PLEKHA5: variants seen among roughly 807,000 people sequenced by gnomAD.
PLEKHA5 encodes the protein pleckstrin homology domain-containing family A member 5.
A neutral mutation model predicts 181.9 loss-of-function variants in PLEKHA5; 55 were observed. The ratio of observed to expected loss-of-function variants is 0.30; its 90% CI spans 0.24 to 0.38. The LOEUF is 0.38. Among genes scored for constraint, PLEKHA5 ranks in the 10% least tolerant of loss-of-function variants. The pLI, the probability that PLEKHA5 is intolerant of heterozygous loss-of-function variation, is 1.00. For missense variants in PLEKHA5, 1,432 were observed against 1,549.5 expected, an observed-to-expected ratio of 0.92 and a Z score of 1.27; for synonymous variants, 535 against 529.4, an observed-to-expected ratio of 1.01 and a Z score of -0.15.
intron 7 of PLEKHA5, among the ~76,000 whole-genome samples, chr12:19,264,388 A>G (rs2069596253): frequency 6.6e-6 from 1 of 152,132 alleles, no homozygotes; most frequent in Non-Finnish European, 1.5e-5. Context: ...AGAAGGATGT[A>G]TTATTTGATT....
At chr12:19,165,833 T>C (rs1348792740) in intron 3 of PLEKHA5, among the ~76,000 whole-genome samples, 2 of 152,194 alleles carry the variant, frequency 1.3e-5, no homozygotes, top group Non-Finnish European at 2.9e-5. Context: ...ATGAGCAGTT[T>C]TGAAGAAGGT....
At position 19,367,412 on chromosome 12, in the gene PLEKHA5, C is replaced by T. The variant is rs373196781; in HGVS notation, c.3754+1303C>T. Reference sequence around the variant, plus strand: ...CTGGGATTATAGGTGCCCACCACCACGCCCAGCTAATTTTTGTATTTTTGT... The same window carrying T: ...CTGGGATTATAGGTGCCCACCACCATGCCCAGCTAATTTTTGTATTTTTGT... On this transcript the variant is annotated intron_variant, in intron 30 of 31. Transcript: ENST00000429027. Among the ~76,000 whole-genome samples, 101 of 150,868 alleles carry T rather than the reference C, an allele frequency of 6.7e-4. 1 individual carries two copies. Among genetic ancestry groups the T allele is most frequent in the Non-Finnish European group, 1.1e-3 (76 of 67,844 alleles).
chr12:19,273,800 G>C (rs762293420), intron 10 of PLEKHA5, among the ~76,000 whole-genome samples: 3 of 152,110 alleles, frequency 2.0e-5, no homozygotes, highest in Admixed American at 2.0e-4. Flanking sequence ...AATTATAATG[G>C]TAAAATAAGG....
At chr12:19,190,366 C>T (rs1223680785) in intron 3 of PLEKHA5, among the ~76,000 whole-genome samples, 1 of 152,060 alleles carries the variant, frequency 6.6e-6, no homozygotes, top group East Asian at 1.9e-4. Flanking sequence ...CAAATAATTT[C>T]TTTTAAAAAA....
chr12:19,224,209 T>G (rs995961280), intron 3 of PLEKHA5, among the ~76,000 whole-genome samples: 2 of 152,168 alleles, frequency 1.3e-5, no homozygotes, highest in Admixed American at 6.6e-5. Context: ...CTATAGCTAT[T>G]TTTTGAATAA....
chr12:19,342,272 A>ATCT (rs974912642), intron 21 of PLEKHA5, among the ~76,000 whole-genome samples: 2 of 152,142 alleles, frequency 1.3e-5, no homozygotes, highest in African/African-American at 4.8e-5. Flanking sequence ...AGAGTCATAG[A>ATCT]TTTCTAATAG....
intron 3 of PLEKHA5, among the ~76,000 whole-genome samples, chr12:19,197,778 C>T (rs1017700591): frequency 6.7e-6 from 1 of 149,788 alleles, no homozygotes; most frequent in Non-Finnish European, 1.5e-5. Flanking sequence ...ACACCGTATG[C>T]CAGTCAGCCA....
chr12:19,303,678 A>T (rs895712588), intron 15 of PLEKHA5: 4 of 152,136 alleles, frequency 2.6e-5, no homozygotes, highest in African/African-American at 9.7e-5. Context: ...GCCCAGTAGG[A>T]AATGCAGCAG....
At chr12:19,278,266 T>TA (rs1304280523) in intron 11 of PLEKHA5, among the ~76,000 whole-genome samples, 2 of 152,170 alleles carry the variant, frequency 1.3e-5, no homozygotes, top group Admixed American at 6.5e-5. Context: ...GATCATATGA[T>TA]AGTTGACAGT....
At chr12:19,247,220 T>G (rs1005080836) in intron 3 of PLEKHA5, among the ~76,000 whole-genome samples, 2 of 152,298 alleles carry the variant, frequency 1.3e-5, no homozygotes, top group Non-Finnish European at 2.9e-5. Context: ...TTTTAGTTAT[T>G]TATATAAAAG....
chr12:19,288,592 T>C (rs959203730), intron 13 of PLEKHA5, among the ~76,000 whole-genome samples: 6 of 152,254 alleles, frequency 3.9e-5, no homozygotes, highest in South Asian at 2.1e-4. Context: ...TCATCTTATG[T>C]GTTTTGTAAA....
At chr12:19,261,065 A>G (rs773340715) in intron 7 of PLEKHA5, 44 bp downstream of exon 7, 1 of 1,040,930 alleles carries the variant, frequency 9.6e-7, no homozygotes, top group South Asian at 1.4e-5. Context: ...TGTAATTGAT[A>G]TGTAATATAA....
chr12:19,230,689 G>A (rs1187376031), intron 3 of PLEKHA5, among the ~76,000 whole-genome samples: 1 of 152,212 alleles, frequency 6.6e-6, no homozygotes, highest in Non-Finnish European at 1.5e-5. Context: ...TGAAACTTGC[G>A]CTGGCCCACA....
chr12:19,318,118 G>A (rs976944461), intron 16 of PLEKHA5, among the ~76,000 whole-genome samples: 4 of 149,718 alleles, frequency 2.7e-5, no homozygotes, highest in South Asian at 2.2e-4. Flanking sequence ...CTATGAAGGC[G>A]TTTTTTGTTT....
At chr12:19,175,504 A>C (rs1428637952) in intron 3 of PLEKHA5, among the ~76,000 whole-genome samples, 1 of 152,226 alleles carries the variant, frequency 6.6e-6, no homozygotes, top group African/African-American at 2.4e-5. Context: ...ATATACTAAT[A>C]AAGTTTTTAT....
rs1296949509 is a variant in PLEKHA5, at chr12:19,364,756, G to A, written c.3609-1208G>A. The stretch of plus-strand genomic sequence containing the variant: ...GGCTCACTGCAACCTCTGCCCCGCC[G>A]CCCGATTCAAGCAGTTCTCCTGCCT... On this transcript the variant is annotated intron_variant, in intron 29 of 31. Transcript: ENST00000429027. 6.6e-5 allele frequency among the ~76,000 whole-genome samples: 10 copies of A among 151,374 alleles called. No individual in the cohort carries two copies. The South Asian group carries it at 1.0e-3, about 16-fold the overall frequency.
intron 6 of PLEKHA5, among the ~76,000 whole-genome samples, chr12:19,258,591 C>G (rs1157797712): frequency 7.9e-6 from 1 of 127,374 alleles, no homozygotes; most frequent in Non-Finnish European, 1.6e-5. Context: ...GACAGGGTCT[C>G]ACTCTGTCAC....
chr12:19,130,006 G>T lies in PLEKHA5; in HGVS notation c.90-45G>T. 2 of 1,498,872 alleles carry T rather than the reference G, an allele frequency of 1.3e-6. No individual in the cohort carries two copies. The highest frequency in any genetic ancestry group is 1.8e-6 in the Non-Finnish European group (2 of 1,102,786). The allele number at this position is 1,498,872 out of a possible 1,614,324, so 92.8% of individuals were successfully genotyped here. A position where few individuals can be genotyped will look rare whatever the true frequency, so the allele number is the denominator to read the frequency against. On this transcript the variant is annotated intron_variant, in intron 1 of 31. Transcript: ENST00000429027. This position sits in a 1 kb window ranked among gnomAD's most constrained non-coding sequence, Gnocchi z 4.5. ...CTGCAGCCCCTCGGCTCGCCCCCGC[G>T]TCCCCTCTCACGCTCCGTGTCTGCC...
chr12:19,289,342 A>G (rs1204583773), intron 13 of PLEKHA5, among the ~76,000 whole-genome samples: 1 of 152,254 alleles, frequency 6.6e-6, no homozygotes, highest in African/African-American at 2.4e-5. Flanking sequence ...ATAATGGTTA[A>G]AAATGATTTC....
Sources: gnomAD v4.1 joint callset for allele counts (sites outside exome capture counted in the v4.1 genomes callset) on GRCh38, gnomAD v4.1.1 for gene constraint, Gnocchi (gnomAD v3.1) non-coding constraint, MANE v1.5 for transcripts, NCBI Gene and HGNC (gene_info 2026-07-23, HGNC 2026-07-21) for gene names.